VIPR1: variants seen among roughly 807,000 people sequenced by gnomAD.
The protein encoded by VIPR1 is vasoactive intestinal peptide receptor 1, also known as vasoactive intestinal polypeptide receptor 1.
Under a neutral mutation model 58.8 loss-of-function variants are expected in VIPR1, and 59 were observed. That is an observed-to-expected ratio of 1.00 (90% CI 0.81 to 1.25). VIPR1 has a LOEUF of 1.25. Among genes scored for constraint, VIPR1 ranks in the 50% most tolerant of loss-of-function variants. The pLI is 0.00. For missense variants in VIPR1, 626 were observed against 602.7 expected, an observed-to-expected ratio of 1.04 and a Z score of -0.40; for synonymous variants, 251 against 242.1, an observed-to-expected ratio of 1.04 and a Z score of -0.34.
chr3:42,535,302 T>C, intron 11 of VIPR1, 41 bp from the exon 12 acceptor site: 2 of 1,612,602 alleles, frequency 1.2e-6, no homozygotes. Flanking sequence ...TGGGGGCTTC[T>C]GGTCTGTCTA....
At chr3:42,512,254 T>A (rs1700395410) in intron 1 of VIPR1, 1 of 152,368 alleles carries the variant, frequency 6.6e-6, no homozygotes, top group South Asian at 2.1e-4. Flanking sequence ...AGTGTTGGCC[T>A]GCAGGTGACC....
chr3:42,533,437 G>GA (rs71072719), intron 10 of VIPR1: 1 of 125,334 alleles, frequency 8.0e-6, no homozygotes, highest in Non-Finnish European at 1.6e-5. Flanking sequence ...GGACGGGGGG[G>GA]GCATCTGCAG....
intron 12 of VIPR1, 54 bp from the exon 13 acceptor site, chr3:42,536,036 C>CA (rs1266463509): frequency 2.0e-6 from 3 of 1,514,296 alleles, no homozygotes; most frequent in Non-Finnish European, 2.7e-6. Flanking sequence ...GCAGCCCAAT[C>CA]AGCAGTGGAA....
intron 1 of VIPR1, among the ~76,000 whole-genome samples, chr3:42,503,044 G>A (rs1027477502): frequency 1.3e-5 from 2 of 152,246 alleles, no homozygotes; most frequent in Non-Finnish European, 2.9e-5. Context: ...AGCAGGCACA[G>A]CATCAGTGGA....
Position 42,496,694 on chromosome 3 carries a change from T to G in VIPR1, c.-245+7016T>G, listed in dbSNP as rs575606322. On this transcript the variant is annotated intron_variant, in intron 1 of 13. Transcript: ENST00000433647. ...AATATGAATTATCCTCTTTGTGCCT[T>G]TTGTTTTCTATCTTAAATTCTCACC... Among the ~76,000 whole-genome samples the G allele has an allele frequency of 3.3e-5, 5 of 152,354 alleles. No homozygotes were observed. The South Asian group carries it at 1.0e-3, about 32-fold the overall frequency.
In VIPR1 at chr3:42,519,066, A is replaced by T. The variant is rs187610426; in HGVS notation, c.185-157A>T. Among the ~76,000 whole-genome samples, 15 of 152,150 alleles carry T rather than the reference A, an allele frequency of 9.9e-5. No individual in the cohort carries two copies. In the East Asian group the frequency reaches 2.7e-3, roughly 27 times the overall value. ...CTCCCTGTCAGGACAGCCCCGTGCA[A>T]CCTCCGCAGGGCTGTGCCTCCCCTC... On this transcript the variant is annotated intron_variant, in intron 2 of 12. Transcript: ENST00000325123.
In VIPR1 at chr3:42,528,133, C is replaced by T. The variant is rs1701337203; in HGVS notation, c.636+10C>T. On this transcript the variant is annotated intron_variant, in intron 6 of 12. Transcript: ENST00000325123. ...GTGCTCCGAGGGCTCGGTGAGGATC[C>T]TGGCCCTGGCCCACCTCCCTCAGTC... 19 of 1,611,640 alleles carry T rather than the reference C, an allele frequency of 1.2e-5. No homozygotes were observed. The highest frequency in any genetic ancestry group is 1.5e-5 in the Non-Finnish European group (18 of 1,178,940).
chr3:42,513,937 C>T lies in VIPR1; in HGVS notation c.184+83C>T, dbSNP rs184543016. On this transcript the variant is annotated intron_variant, in intron 2 of 12. Coordinates refer to ENST00000325123, the MANE Select transcript of VIPR1 (RefSeq NM_004624.4). ...ATGTCTCAAGCTGAGATCCAAGTCA[C>T]GTTCGTTCCACATTTATTGGATGAT... The T allele has an allele frequency of 3.3e-4, 468 of 1,429,016 alleles. 3 individuals carry two copies. In the Admixed American group the frequency reaches 9.1e-3, roughly 28 times the overall value. The allele number at this position is 1,429,016 out of a possible 1,614,324, so 88.5% of individuals were successfully genotyped here.
chr3:42,524,405 C>T (rs1701120642), intron 3 of VIPR1, among the ~76,000 whole-genome samples: 1 of 152,326 alleles, frequency 6.6e-6, no homozygotes, highest in South Asian at 2.1e-4. Context: ...AAAAGGGATG[C>T]CAAGGCAGGA....
At chr3:42,509,982 C>T (rs1406575607) in intron 1 of VIPR1, among the ~76,000 whole-genome samples, 1 of 152,196 alleles carries the variant, frequency 6.6e-6, no homozygotes, top group Non-Finnish European at 1.5e-5. Context: ...AATGTGTATC[C>T]CCCATCCTCA....
chr3:42,532,465 C>A (rs1701623127), intron 10 of VIPR1, 132 bp downstream of exon 10: 2 of 962,774 alleles, frequency 2.1e-6, no homozygotes, highest in Non-Finnish European at 1.6e-6. Context: ...TTTCCCACCT[C>A]CACCATGGCC....
At chr3:42,497,151 C>T (rs1251098714) in intron 1 of VIPR1, among the ~76,000 whole-genome samples, 1 of 152,136 alleles carries the variant, frequency 6.6e-6, no homozygotes, top group South Asian at 2.1e-4. Context: ...TTTGAGATCC[C>T]CTGTGGAGTT....
At chr3:42,534,867 TG>T in intron 10 of VIPR1, 107 bp from the exon 11 acceptor site, 1 of 1,423,920 alleles carries the variant, frequency 7.0e-7, no homozygotes, top group Non-Finnish European at 9.6e-7. Flanking sequence ...TCATACTTCC[TG>T]GTCATTGTCC....
Position 42,537,375 on chromosome 3 carries a change from T to C in VIPR1, c.*1094T>C, listed in dbSNP as rs1219853067. ...TAATGCCATTATCCCTGAATCCCCC[T>C]TGCCACCCCACCCTCCCTGGAGTGT... On this transcript the variant is annotated 3_prime_UTR_variant, in exon 13 of 13. Transcript: ENST00000325123. 1 of 152,190 alleles carries C rather than the reference T, an allele frequency of 6.6e-6. No homozygotes were observed. The highest frequency in any genetic ancestry group is 2.4e-5 in the African/African-American group (1 of 41,446). 9.4% of individuals were successfully genotyped at this position (152,190 alleles called of 1,614,324 possible).
upstream of VIPR1, chr3:42,501,957 G>A (rs1326961644): frequency 2.0e-5 from 3 of 152,312 alleles, no homozygotes; most frequent in East Asian, 1.9e-4. The surrounding 1 kb of genome is among the most constrained non-coding windows in gnomAD (Gnocchi z 4.8). Flanking sequence ...GAAGGGCCAG[G>A]GCACCCAACA....
intron 1 of VIPR1, chr3:42,508,890 C>G (rs1010444427): frequency 1.3e-5 from 2 of 152,228 alleles, no homozygotes; most frequent in Non-Finnish European, 2.9e-5. Context: ...TCTGGCTCCT[C>G]CATTCCCCCT....
At chr3:42,500,517 G>T (rs1377457070), upstream of VIPR1, 1 of 152,280 alleles carries the variant, frequency 6.6e-6, no homozygotes, top group Admixed American at 6.5e-5. Flanking sequence ...TAGGTGCTGT[G>T]TGTGTATGTA....
upstream of VIPR1, among the ~76,000 whole-genome samples, chr3:42,498,216 C>T (rs1015572445): frequency 6.6e-6 from 1 of 152,260 alleles, no homozygotes; most frequent in Admixed American, 6.5e-5. Flanking sequence ...GTTGGAGCCT[C>T]TAGCCACATT....
chr3:42,516,292 G>C (rs1000455903), intron 2 of VIPR1, among the ~76,000 whole-genome samples: 6 of 152,148 alleles, frequency 3.9e-5, no homozygotes, highest in African/African-American at 1.4e-4. Context: ...AGGCACACAG[G>C]AAATACTCCC....
Sources: gnomAD v4.1 joint callset for allele counts (sites outside exome capture counted in the v4.1 genomes callset) on GRCh38, gnomAD v4.1.1 for gene constraint, Gnocchi (gnomAD v3.1) non-coding constraint, MANE v1.5 for transcripts, NCBI Gene and HGNC (gene_info 2026-07-23, HGNC 2026-07-21) for gene names.